The following PCDH9 variants were observed in gnomAD, a reference collection of about 807,000 sequenced individuals.
The protein encoded by PCDH9 is protocadherin-9.
In PCDH9, 24 loss-of-function variants were observed where a neutral mutation model predicts 70.6. The observed-to-expected ratio is 0.34, with a 90% CI of 0.25 to 0.48. The LOEUF (loss-of-function observed/expected upper bound fraction) is 0.48, where lower values mean the gene tolerates loss of function less well. PCDH9 is among the 20% of genes least tolerant of loss of function. The pLI is 0.99. For synonymous variants in PCDH9, 562 were observed against 558.5 expected (o/e 1.01, Z -0.09); for missense variants, 1,281 against 1,503.6 (o/e 0.85, Z 2.45).
At chr13:66,783,365 G>A (rs567231535) in intron 3 of PCDH9, among the ~76,000 whole-genome samples, 4 of 152,202 alleles carry the variant, frequency 2.6e-5, no homozygotes, top group African/African-American at 9.6e-5. Flanking sequence ...GGCTTTGTAT[G>A]CTGGAGCCAA....
At chr13:66,940,563 T>C (rs1047643485) in intron 2 of PCDH9, among the ~76,000 whole-genome samples, 4 of 152,168 alleles carry the variant, frequency 2.6e-5, no homozygotes, top group Non-Finnish European at 5.9e-5. Flanking sequence ...CTATATCTCA[T>C]GTTTAACTTT....
At chr13:66,815,013 C>T (rs540098433) in intron 3 of PCDH9, among the ~76,000 whole-genome samples, 7 of 151,972 alleles carry the variant, frequency 4.6e-5, no homozygotes, top group Non-Finnish European at 1.0e-4. Context: ...CTACACATCC[C>T]ACAAAGGTCT....
rs144868197 is a variant in PCDH9 at position 66,365,955 on chromosome 13, T to C, written c.3341-60927A>G. Among the ~76,000 whole-genome samples the C allele has an allele frequency of 5.7e-3, 864 of 152,204 alleles. 9 individuals are homozygous for C. Among genetic ancestry groups the C allele is most frequent in the African/African-American group, 0.02 (813 of 41,554 alleles). ...ATGTAACTAAGAGAAATCATATAATTATATAGGCATAATGGGAGATTAGCA... is the reference window on the plus strand; with the variant it reads ...ATGTAACTAAGAGAAATCATATAATCATATAGGCATAATGGGAGATTAGCA... On this transcript the variant is annotated intron_variant, in intron 4 of 4. Transcript: ENST00000377865.
chr13:66,428,179 T>G (rs559640013), intron 4 of PCDH9, among the ~76,000 whole-genome samples: 27 of 151,822 alleles, frequency 1.8e-4, no homozygotes, highest in African/African-American at 6.5e-4. Flanking sequence ...CAAATCAGTT[T>G]TCTATAAATC....
In PCDH9 at chr13:66,505,463, T is replaced by A. The variant is rs1336360865; in HGVS notation, c.3340+125747A>T. ...TTATGATTAACTACCTCCCACCAGGTCCCTCCCATGACACGTGGGGATTAT... is the reference window on the plus strand; with the variant it reads ...TTATGATTAACTACCTCCCACCAGGACCCTCCCATGACACGTGGGGATTAT... On this transcript the variant is annotated intron_variant, in intron 4 of 4. Coordinates refer to ENST00000377865, the MANE Select transcript of PCDH9 (RefSeq NM_203487.3). 2.7e-5 allele frequency among the ~76,000 whole-genome samples: 4 copies of A among 150,006 alleles called. No homozygotes were observed. In the East Asian group the frequency reaches 6.0e-4, roughly 23 times the overall value.
At chr13:67,194,732 G>C (rs1374942728) in intron 2 of PCDH9, among the ~76,000 whole-genome samples, 1 of 152,110 alleles carries the variant, frequency 6.6e-6, no homozygotes, top group Non-Finnish European at 1.5e-5. Flanking sequence ...AGGAAATGGA[G>C]AGCATTTATT....
chr13:66,819,790 GGAGGCT>G (rs1292143017), intron 3 of PCDH9, among the ~76,000 whole-genome samples: 4 of 152,156 alleles, frequency 2.6e-5, no homozygotes, highest in African/African-American at 9.7e-5. Context: ...CAGCTACTCA[GGAGGCT>G]GAGGTGGGAG....
At chr13:66,810,266 CA>C (rs1282337356) in intron 3 of PCDH9, among the ~76,000 whole-genome samples, 1 of 151,836 alleles carries the variant, frequency 6.6e-6, no homozygotes, top group Non-Finnish European at 1.5e-5. Flanking sequence ...AGTATAAATA[CA>C]GAATTTTTTT....
intron 4 of PCDH9, among the ~76,000 whole-genome samples, chr13:66,471,002 C>T (rs780794823): frequency 6.6e-6 from 1 of 151,130 alleles, no homozygotes; most frequent in Admixed American, 6.6e-5. Context: ...TTTATTAATG[C>T]TGTTTAACTG....
At chr13:66,317,403 G>A (rs4145004) in intron 4 of PCDH9, among the ~76,000 whole-genome samples, 113,843 of 152,148 alleles carry the variant, frequency 0.75, 42,816 homozygotes, top group Non-Finnish European at 0.79. Flanking sequence ...GAATGTTCAA[G>A]TGAAATTAAC....
chr13:66,977,647 C>A (rs57353902), intron 2 of PCDH9: 1 of 152,120 alleles, frequency 6.6e-6, no homozygotes, highest in African/African-American at 2.4e-5. Flanking sequence ...CACAACTGGG[C>A]GACATCAGAA....
intron 2 of PCDH9, among the ~76,000 whole-genome samples, chr13:66,949,363 C>T (rs1341565972): frequency 6.6e-6 from 1 of 152,030 alleles, no homozygotes; most frequent in Non-Finnish European, 1.5e-5. Context: ...TCATCAAAAA[C>T]GTGGAACTAG....
intron 4 of PCDH9, among the ~76,000 whole-genome samples, chr13:66,529,874 G>GC (rs1349306189): frequency 1.5e-5 from 2 of 135,946 alleles, no homozygotes; most frequent in East Asian, 4.5e-4. Flanking sequence ...ATATCACCAT[G>GC]CTGTTAAAAA....
intron 4 of PCDH9, among the ~76,000 whole-genome samples, chr13:66,431,830 T>C (rs1199986602): frequency 6.6e-6 from 1 of 152,004 alleles, no homozygotes; most frequent in East Asian, 1.9e-4. Context: ...ACGTCCAAGA[T>C]TCATTAGGGT....
At chr13:67,155,302 G>C (rs111351076) in intron 2 of PCDH9, among the ~76,000 whole-genome samples, 1 of 152,038 alleles carries the variant, frequency 6.6e-6, no homozygotes, top group Non-Finnish European at 1.5e-5. Context: ...CTAATATTTT[G>C]AAATTTGTTA....
chr13:66,823,790 T>G (rs547980724), intron 3 of PCDH9, among the ~76,000 whole-genome samples: 1 of 152,278 alleles, frequency 6.6e-6, no homozygotes, highest in East Asian at 1.9e-4. Flanking sequence ...CAATGTTTAT[T>G]GTACATTTTA....
intron 4 of PCDH9, among the ~76,000 whole-genome samples, chr13:66,313,204 A>G (rs1955593704): frequency 1.3e-5 from 2 of 152,244 alleles, no homozygotes; most frequent in Non-Finnish European, 1.5e-5. Flanking sequence ...ATTCAAACCA[A>G]CTTTCAATGT....
intron 4 of PCDH9, among the ~76,000 whole-genome samples, chr13:66,424,599 A>T (rs576001207): frequency 6.6e-6 from 1 of 151,984 alleles, no homozygotes; most frequent in Non-Finnish European, 1.5e-5. Flanking sequence ...ACAACACTGC[A>T]TATTTCCTGA....
chr13:67,083,608 A>C (rs2086031617), intron 2 of PCDH9, among the ~76,000 whole-genome samples: 1 of 152,148 alleles, frequency 6.6e-6, no homozygotes, highest in Non-Finnish European at 1.5e-5. Context: ...CTTTTTAGCT[A>C]GTAGTAAAAA....
Sources: gnomAD v4.1 joint callset for allele counts (sites outside exome capture counted in the v4.1 genomes callset) on GRCh38, gnomAD v4.1.1 for gene constraint, MANE v1.5 for transcripts, NCBI Gene and HGNC (gene_info 2026-07-23, HGNC 2026-07-21) for gene names.